LIN7A: variants seen among roughly 807,000 people sequenced by gnomAD.
LIN7A encodes the protein lin-7 cell polarity scaffold A.
In LIN7A, 25 loss-of-function variants were observed where a neutral mutation model predicts 29.8. The observed-to-expected ratio is 0.84, with a 90% CI of 0.61 to 1.17. The LOEUF (loss-of-function observed/expected upper bound fraction) is 1.17, where lower values mean the gene tolerates loss of function less well. Among genes scored for constraint, LIN7A ranks in the 50% most tolerant of loss-of-function variants. The pLI is 0.00. For synonymous variants in LIN7A, 118 were observed against 107.5 expected (o/e 1.10, Z -0.60); for missense variants, 239 against 287.0 (o/e 0.83, Z 1.21).
At chr12:80,815,386 C>T (rs1261674269) in intron 4 of LIN7A, among the ~76,000 whole-genome samples, 1 of 152,182 alleles carries the variant, frequency 6.6e-6, no homozygotes, top group Non-Finnish European at 1.5e-5. Flanking sequence ...GATGTGCAAG[C>T]CCTTCACAGG....
intron 1 of LIN7A, among the ~76,000 whole-genome samples, chr12:80,901,068 T>G (rs553804681): frequency 6.6e-6 from 1 of 152,292 alleles, no homozygotes; most frequent in Non-Finnish European, 1.5e-5. Context: ...ACAGTTTACA[T>G]GCAGACAAAC....
chr12:80,797,962 A>T (rs1870533419), intron 5 of LIN7A, among the ~76,000 whole-genome samples: 1 of 152,240 alleles, frequency 6.6e-6, no homozygotes. Context: ...AATAAAGAAC[A>T]CCAGTTTGGA....
chr12:80,908,543 A>C (rs929430916), intron 1 of LIN7A, among the ~76,000 whole-genome samples: 1 of 152,084 alleles, frequency 6.6e-6, no homozygotes, highest in Non-Finnish European at 1.5e-5. Context: ...GAGATGACTT[A>C]AGGTATTGAG....
chr12:80,830,676 G>T (rs1408446106), intron 4 of LIN7A, among the ~76,000 whole-genome samples: 1 of 152,108 alleles, frequency 6.6e-6, no homozygotes, highest in Non-Finnish European at 1.5e-5. Context: ...AAATGAAAGT[G>T]AATTACTAAC....
At chr12:80,820,952 G>A (rs1433654638) in intron 4 of LIN7A, among the ~76,000 whole-genome samples, 6 of 152,136 alleles carry the variant, frequency 3.9e-5, no homozygotes, top group Non-Finnish European at 8.8e-5. Context: ...AGAGTGTTGT[G>A]ACCGCCAGTT....
At chr12:80,808,539 T>G (rs895370463) in intron 5 of LIN7A, among the ~76,000 whole-genome samples, 4 of 150,214 alleles carry the variant, frequency 2.7e-5, no homozygotes, top group Non-Finnish European at 5.9e-5. Context: ...AGAGTCTCGC[T>G]CTGTCACCCA....
chr12:80,895,569 G>A (rs906793687), intron 1 of LIN7A, among the ~76,000 whole-genome samples: 9 of 152,218 alleles, frequency 5.9e-5, no homozygotes, highest in South Asian at 2.1e-4. Context: ...CCCTCTAATC[G>A]CTTGCCATCT....
At chr12:80,815,219 C>T (rs1054572234) in intron 4 of LIN7A, among the ~76,000 whole-genome samples, 5 of 152,058 alleles carry the variant, frequency 3.3e-5, no homozygotes, top group Non-Finnish European at 7.4e-5. Flanking sequence ...TGCTTTTAGT[C>T]CATCAGTATA....
At chr12:80,834,736 A>G (rs764423769) in intron 4 of LIN7A, among the ~76,000 whole-genome samples, 1 of 152,206 alleles carries the variant, frequency 6.6e-6, no homozygotes, top group Admixed American at 6.5e-5. Flanking sequence ...GTGACATGTC[A>G]TCTGATTGCC....
chr12:80,819,087 T>C (rs1871673795), intron 4 of LIN7A, among the ~76,000 whole-genome samples: 1 of 152,160 alleles, frequency 6.6e-6, no homozygotes, highest in African/African-American at 2.4e-5. Context: ...TACAGCACAA[T>C]GGGATATTTT....
chr12:80,920,592 A>G (rs1302239664), intron 1 of LIN7A, among the ~76,000 whole-genome samples: 3 of 152,238 alleles, frequency 2.0e-5, no homozygotes, highest in Non-Finnish European at 4.4e-5. Context: ...AGATCATTAA[A>G]GTATTATTTG....
chr12:80,818,866 G>GA (rs1437835281), intron 4 of LIN7A, among the ~76,000 whole-genome samples: 1 of 152,160 alleles, frequency 6.6e-6, no homozygotes, highest in East Asian at 1.9e-4. Flanking sequence ...CCTTACTACA[G>GA]AAAAAAGTGT....
intron 1 of LIN7A, among the ~76,000 whole-genome samples, chr12:80,909,455 G>C (rs1876644529): frequency 6.6e-6 from 1 of 152,066 alleles, no homozygotes; most frequent in African/African-American, 2.4e-5. Flanking sequence ...ACCATAGGCT[G>C]GGTAATTTAT....
chr12:80,810,052 A>G (rs2121512740), intron 5 of LIN7A, among the ~76,000 whole-genome samples: 1 of 152,306 alleles, frequency 6.6e-6, no homozygotes, highest in East Asian at 1.9e-4. Context: ...CTATTTTGAA[A>G]TATGCAATGT....
At chr12:80,872,096 C>G (rs1874455320) in intron 2 of LIN7A, among the ~76,000 whole-genome samples, 1 of 151,928 alleles carries the variant, frequency 6.6e-6, no homozygotes. Flanking sequence ...TTCTTTGCAT[C>G]TGGCAATAAA....
rs755266039 is a variant in LIN7A at position 80,811,489 on chromosome 12, TTGTTGCTGCTGCTGC to T, written c.663_677del (p.Gln222_Gln226del). 15 of 1,533,580 alleles carry T rather than the reference TTGTTGCTGCTGCTGC, an allele frequency of 9.8e-6. No individual in the cohort carries two copies. In the Middle Eastern group the frequency reaches 5.1e-4, roughly 52 times the overall value. The allele number at this position is 1,533,580 out of a possible 1,614,324, so 95.0% of individuals were successfully genotyped here. A position where few individuals can be genotyped will look rare whatever the true frequency, so the allele number is the denominator to read the frequency against. On this transcript the variant is annotated inframe_deletion, in exon 5 of 6. Transcript: ENST00000552864. ...CCTATGACATGTGGTTTTGTTGTGTTTGTTGCTGCTGCTGCTGTTGCTGCTGCTGAATTAGCAATT... is the reference window on the plus strand; with the variant it reads ...CCTATGACATGTGGTTTTGTTGTGTTTGTTGCTGCTGCTGAATTAGCAATT...
chr12:80,807,157 C>T (rs754500305), intron 5 of LIN7A, among the ~76,000 whole-genome samples: 1 of 141,350 alleles, frequency 7.1e-6, no homozygotes, highest in South Asian at 2.3e-4. Context: ...CTGCAAGCTC[C>T]GCCTCTTGGG....
Position 80,841,858 on chromosome 12 carries a change from C to T in LIN7A, c.483+3872G>A, listed in dbSNP as rs1404277860. On this transcript the variant is annotated intron_variant, in intron 4 of 5. Transcript: ENST00000552864. Reference sequence around the variant, plus strand: ...GGGTGAAAAGGAGATCATTAGAAAGCTATAAATTCTTACTGTAACATTTTG... The same window carrying T: ...GGGTGAAAAGGAGATCATTAGAAAGTTATAAATTCTTACTGTAACATTTTG... 3 of 999,766 alleles carry T rather than the reference C, an allele frequency of 3.0e-6. No homozygotes were observed. The East Asian group carries it at 3.0e-4, about 101-fold the overall frequency. The allele number at this position is 999,766 out of a possible 1,614,324, so 61.9% of individuals were successfully genotyped here. A position where few individuals can be genotyped will look rare whatever the true frequency, so the allele number is the denominator to read the frequency against.
intron 5 of LIN7A, among the ~76,000 whole-genome samples, chr12:80,810,845 T>G (rs182215471): frequency 5.3e-5 from 8 of 152,198 alleles, no homozygotes; most frequent in Admixed American, 5.2e-4. Flanking sequence ...TGATTAGAGA[T>G]GTTGAGCATT....
Sources: gnomAD v4.1 joint callset for allele counts (sites outside exome capture counted in the v4.1 genomes callset) on GRCh38, gnomAD v4.1.1 for gene constraint, MANE v1.5 for transcripts, NCBI Gene and HGNC (gene_info 2026-07-23, HGNC 2026-07-21) for gene names.